Variants in PLXDC2 observed in about 807,000 individuals in gnomAD.
PLXDC2 encodes the protein plexin domain-containing protein 2.
Under a neutral mutation model 68.9 loss-of-function variants are expected in PLXDC2, and 40 were observed. The observed-to-expected ratio is 0.58, with a 90% CI of 0.45 to 0.76. The LOEUF (loss-of-function observed/expected upper bound fraction) is 0.76. Ranked by LOEUF, PLXDC2 falls within the 30% of genes least tolerant of loss-of-function variation. The probability of loss-of-function intolerance (pLI) is 0.00; values close to 1 mark genes in which losing one functional copy is unlikely to be tolerated. For missense variants in PLXDC2, 644 were observed against 661.9 expected (o/e 0.97, Z 0.30); for synonymous variants, 243 against 234.2 (o/e 1.04, Z -0.34).
At chr10:20,264,444 A>G (rs1382825968) in intron 13 of PLXDC2, among the ~76,000 whole-genome samples, 1 of 152,190 alleles carries the variant, frequency 6.6e-6, no homozygotes, top group African/African-American at 2.4e-5. Context: ...AAACTTTCAC[A>G]TGTACCCCCA....
rs114975024 is a variant in PLXDC2, at chr10:20,229,329, A to G, written c.1312+10227A>G. Among the ~76,000 whole-genome samples, 717 of 152,170 alleles carry G rather than the reference A, an allele frequency of 4.7e-3. 8 individuals carry two copies. Among genetic ancestry groups the G allele is most frequent in the African/African-American group, 0.014 (575 of 41,502 alleles). On this transcript the variant is annotated intron_variant, in intron 12 of 13. Transcript: ENST00000377252. ...ATGGTGTTTAGGAGTTGAAAGACCC[A>G]TAAAACATGAAACAGGAATGGGAAG... is the stretch of plus-strand genomic sequence containing the variant.
At chr10:20,205,875 G>A (rs1834984070) in intron 9 of PLXDC2, among the ~76,000 whole-genome samples, 1 of 152,022 alleles carries the variant, frequency 6.6e-6, no homozygotes, top group South Asian at 2.1e-4. Flanking sequence ...AGTTTCTTGA[G>A]ATATATTGCA....
Position 19,996,059 on chromosome 10 carries a change from G to C in PLXDC2, c.113-5716G>C, listed in dbSNP as rs145202450. On this transcript the variant is annotated intron_variant, in intron 1 of 13. Coordinates refer to ENST00000377252, the MANE Select transcript of PLXDC2 (RefSeq NM_032812.9). ...GAGTGGATATAAGGAGTCATTCGAG[G>C]CTTGTCAGAAAAGTGAAGTGAAAAA... 3.9e-3 allele frequency among the ~76,000 whole-genome samples: 593 copies of C among 152,290 alleles called. 4 individuals are homozygous for C. The highest frequency in any genetic ancestry group is 0.014 in the African/African-American group (563 of 41,556).
At chr10:20,031,493 A>G (rs952714790) in intron 2 of PLXDC2, among the ~76,000 whole-genome samples, 2 of 152,174 alleles carry the variant, frequency 1.3e-5, no homozygotes, top group Non-Finnish European at 1.5e-5. Context: ...TGAAATATCC[A>G]TTCTCTATTA....
chr10:19,930,528 A>C (rs1407753243), intron 1 of PLXDC2, among the ~76,000 whole-genome samples: 1 of 152,214 alleles, frequency 6.6e-6, no homozygotes, highest in Non-Finnish European at 1.5e-5. Context: ...GGCCTGTTCT[A>C]CATACATAGG....
At chr10:20,015,775 C>T (rs1271636012) in intron 2 of PLXDC2, among the ~76,000 whole-genome samples, 1 of 152,152 alleles carries the variant, frequency 6.6e-6, no homozygotes, top group Non-Finnish European at 1.5e-5. Context: ...AAATGGCAAT[C>T]TCCAATTCTC....
chr10:20,120,946 A>T (rs894202604), intron 4 of PLXDC2, among the ~76,000 whole-genome samples: 6 of 152,178 alleles, frequency 3.9e-5, no homozygotes, highest in Admixed American at 6.5e-5. Context: ...AGGATGAGGA[A>T]CAGGAAAGAA....
rs1416621973 is a variant in PLXDC2 at position 20,217,570 on chromosome 10, A to T, written c.1267A>T (p.Thr423Ser). 1 of 1,512,716 alleles carries T rather than the reference A, an allele frequency of 6.6e-7. No individual in the cohort carries two copies. Among genetic ancestry groups the T allele is most frequent in the African/African-American group, 1.5e-5 (1 of 68,150 alleles). The allele number at this position is 1,512,716 out of a possible 1,614,324, so 93.7% of individuals were successfully genotyped here. Residue 423 changes from threonine (T) to serine (S), a missense_variant, in exon 11 of 14, where the codon ACA (threonine) becomes TCA (serine). This residue lies in a region of PLXDC2 where 330 missense variants were observed against 327.9 expected (regional missense o/e 1.01). Coordinates refer to ENST00000377252, the MANE Select transcript of PLXDC2 (RefSeq NM_032812.9). ...VTSQFPTSLP[T>S]EDDTKIALHL... ...TTCTCAGTTTCCCACCAGCCTCCCT[A>T]CAGAAGGTACCCAAGAGATAGTTTG...
chr10:20,137,661 T>A (rs1233868236), intron 4 of PLXDC2, among the ~76,000 whole-genome samples: 2 of 152,212 alleles, frequency 1.3e-5, no homozygotes, highest in South Asian at 2.1e-4. Flanking sequence ...TAAAATCCAA[T>A]GAGGGAGAGT....
chr10:19,845,290 G>A (rs1394739480), intron 1 of PLXDC2, among the ~76,000 whole-genome samples: 1 of 152,158 alleles, frequency 6.6e-6, no homozygotes, highest in Non-Finnish European at 1.5e-5. Context: ...GCTTTGGAGA[G>A]ACAATTATGG....
intron 9 of PLXDC2, among the ~76,000 whole-genome samples, chr10:20,207,454 C>T (rs1312613312): frequency 6.6e-6 from 1 of 152,106 alleles, no homozygotes; most frequent in African/African-American, 2.4e-5. Context: ...ATCCCATTGG[C>T]TTTGGATACA....
chr10:20,095,353 A>T (rs945649368), intron 4 of PLXDC2, among the ~76,000 whole-genome samples: 21 of 152,142 alleles, frequency 1.4e-4, no homozygotes, highest in Non-Finnish European at 2.5e-4. Context: ...AGAGGGATTC[A>T]TGTTTCTAGA....
Position 20,288,132 on chromosome 10 carries a change from A to C in PLXDC2, c.*8313A>C, listed in dbSNP as rs931642990. ...CACTGCTACAAGAGGACACTGAGGAAAATCTGGCCCTATGAACCTAGTCAA... is the reference window on the plus strand; with the variant it reads ...CACTGCTACAAGAGGACACTGAGGACAATCTGGCCCTATGAACCTAGTCAA... On this transcript the variant is annotated 3_prime_UTR_variant, in exon 14 of 14. Coordinates refer to ENST00000377252, the MANE Select transcript of PLXDC2 (RefSeq NM_032812.9). 1.3e-5 allele frequency: 2 copies of C among 152,106 alleles called. No individual in the cohort carries two copies. The highest frequency in any genetic ancestry group is 6.6e-5 in the Admixed American group (1 of 15,260). The allele number at this position is 152,106 out of a possible 1,614,324, so 9.4% of individuals were successfully genotyped here.
intron 1 of PLXDC2, among the ~76,000 whole-genome samples, chr10:19,832,705 A>G (rs1172075321): frequency 6.6e-6 from 1 of 152,204 alleles, no homozygotes; most frequent in Non-Finnish European, 1.5e-5. Context: ...GATTTACAAG[A>G]GGCTATGTGC....
chr10:20,089,633 G>C (rs1833250111), intron 4 of PLXDC2, among the ~76,000 whole-genome samples: 1 of 152,164 alleles, frequency 6.6e-6, no homozygotes, highest in African/African-American at 2.4e-5. Flanking sequence ...TCTGTATCAT[G>C]GAAGGTAGAT....
intron 5 of PLXDC2, among the ~76,000 whole-genome samples, chr10:20,146,518 T>TCCTTCCTTCCTC (rs1217081598): frequency 0.028 from 3,243 of 114,672 alleles, 92 homozygotes; most frequent in Non-Finnish European, 0.048. Context: ...CTTCCTTCCT[T>TCCTTCCTTCCTC]CCTCCCTCCC....
intron 2 of PLXDC2, among the ~76,000 whole-genome samples, chr10:20,044,250 T>C (rs1486083783): frequency 7.8e-6 from 1 of 128,000 alleles, no homozygotes; most frequent in Non-Finnish European, 1.6e-5. Flanking sequence ...TCTTTCTTTC[T>C]TTCTTTCTTT....
intron 9 of PLXDC2, among the ~76,000 whole-genome samples, chr10:20,182,177 C>T (rs1834614804): frequency 6.6e-6 from 1 of 150,910 alleles, no homozygotes; most frequent in Non-Finnish European, 1.5e-5. Flanking sequence ...CTTTAAAAAG[C>T]GTAAATTCCC....
intron 2 of PLXDC2, among the ~76,000 whole-genome samples, chr10:20,039,505 T>A (rs1835640665): frequency 6.6e-6 from 1 of 152,220 alleles, no homozygotes; most frequent in Non-Finnish European, 1.5e-5. Flanking sequence ...AATCTCCATA[T>A]TGAATATCTG....
Sources: gnomAD v4.1 joint callset for allele counts (sites outside exome capture counted in the v4.1 genomes callset) on GRCh38, gnomAD v4.1.1 for gene constraint, gnomAD v4.1.1 regional missense constraint, MANE v1.5 for transcripts, NCBI Gene and HGNC (gene_info 2026-07-23, HGNC 2026-07-21) for gene names.